TAFA2: variants seen among roughly 807,000 people sequenced by gnomAD.
The protein encoded by TAFA2 is TAFA chemokine like family member 2.
TAFA2 carries 7 observed loss-of-function variants against 18.8 expected under a neutral mutation model. The observed-to-expected ratio is 0.37, with a 90% confidence interval of 0.21 to 0.70. The LOEUF (loss-of-function observed/expected upper bound fraction) is 0.70, where lower values mean the gene tolerates loss of function less well. TAFA2 is among the 30% of genes least tolerant of loss of function. The pLI is 0.53. For synonymous variants in TAFA2, 60 were observed against 54.2 expected (o/e 1.11, Z -0.47); for missense variants, 122 against 158.1 (o/e 0.77, Z 1.23).
At chr12:61,725,988 G>T (rs1179581342) in intron 4 of TAFA2, among the ~76,000 whole-genome samples, 1 of 151,248 alleles carries the variant, frequency 6.6e-6, no homozygotes, top group African/African-American at 2.4e-5. Context: ...TGGGTAATGG[G>T]TGCACAAAAA....
intron 1 of TAFA2, among the ~76,000 whole-genome samples, chr12:62,128,398 G>A (rs1380612392): frequency 6.6e-6 from 1 of 151,984 alleles, no homozygotes; most frequent in Non-Finnish European, 1.5e-5. Context: ...CATAAATTAA[G>A]CTTGTGTTTA....
At chr12:62,164,121 T>TC (rs960668565) in intron 1 of TAFA2, among the ~76,000 whole-genome samples, 1 of 152,004 alleles carries the variant, frequency 6.6e-6, no homozygotes, top group Non-Finnish European at 1.5e-5. Flanking sequence ...CAAGTACGAT[T>TC]CAAAGAACAT....
At chr12:62,193,531 G>A (rs1592394713), upstream of TAFA2, among the ~76,000 whole-genome samples, 1 of 152,196 alleles carries the variant, frequency 6.6e-6, no homozygotes, top group Admixed American at 6.5e-5. Context: ...TATAGAATAT[G>A]TGCTTCACTT....
intron 2 of TAFA2, among the ~76,000 whole-genome samples, chr12:61,757,760 A>T (rs1394840063): frequency 6.6e-6 from 1 of 152,036 alleles, no homozygotes; most frequent in East Asian, 1.9e-4. Context: ...AAAGAATAAA[A>T]GGTTTCAAAA....
At chr12:62,111,230 T>C (rs557426848) in intron 1 of TAFA2, among the ~76,000 whole-genome samples, 2 of 152,344 alleles carry the variant, frequency 1.3e-5, no homozygotes, top group East Asian at 3.9e-4. Flanking sequence ...ATTTCTCCCT[T>C]AATTTTGTTA....
At chr12:62,103,679 T>C (rs1415511245) in intron 1 of TAFA2, among the ~76,000 whole-genome samples, 10 of 151,278 alleles carry the variant, frequency 6.6e-5, no homozygotes, top group Non-Finnish European at 1.3e-4. Flanking sequence ...AGGCGGAGGT[T>C]GCGGTGAGCC....
chr12:61,858,152 C>T (rs950555706), intron 2 of TAFA2, among the ~76,000 whole-genome samples: 11 of 152,188 alleles, frequency 7.2e-5, no homozygotes, highest in Admixed American at 2.0e-4. Flanking sequence ...TGCACAATCA[C>T]GAGCCCTGTG....
chr12:62,047,834 TGGAGGTTAAAAA>T (rs1388963374), intron 1 of TAFA2, among the ~76,000 whole-genome samples: 1 of 152,124 alleles, frequency 6.6e-6, no homozygotes, highest in Non-Finnish European at 1.5e-5. Context: ...TGCATCTAAA[TGGAGGTTAAAAA>T]GGAGAATATG....
chr12:62,131,628 A>T (rs12370310), intron 1 of TAFA2, among the ~76,000 whole-genome samples: 26,577 of 147,152 alleles, frequency 0.18, 2,624 homozygotes, highest in East Asian at 0.34. Context: ...AACACGATTT[A>T]AAAAAAATTA....
At chr12:61,898,583 AGT>A (rs941725824) in intron 1 of TAFA2, among the ~76,000 whole-genome samples, 1 of 152,192 alleles carries the variant, frequency 6.6e-6, no homozygotes, top group African/African-American at 2.4e-5. Flanking sequence ...CAACACTCCA[AGT>A]GGTACCCTGG....
chr12:61,785,954 T>G (rs932190853), intron 2 of TAFA2, among the ~76,000 whole-genome samples: 6 of 151,396 alleles, frequency 4.0e-5, no homozygotes, highest in Non-Finnish European at 7.4e-5. Context: ...GACTCTGAGT[T>G]GAGGAGATAG....
At chr12:61,900,112 G>C (rs1565674082) in intron 1 of TAFA2, among the ~76,000 whole-genome samples, 1 of 152,024 alleles carries the variant, frequency 6.6e-6, no homozygotes, top group Non-Finnish European at 1.5e-5. Flanking sequence ...TCTTGTCAAG[G>C]GATATTTGGC....
chr12:61,969,928 G>C (rs1879189912), intron 1 of TAFA2, among the ~76,000 whole-genome samples: 1 of 151,556 alleles, frequency 6.6e-6, no homozygotes, highest in African/African-American at 2.4e-5. Context: ...TATGGCTAAA[G>C]CAAACGGCAA....
intron 1 of TAFA2, among the ~76,000 whole-genome samples, chr12:62,115,236 C>T (rs965362509): frequency 6.6e-6 from 1 of 152,026 alleles, no homozygotes; most frequent in Non-Finnish European, 1.5e-5. Flanking sequence ...AAATTTGCAC[C>T]CTTTGCACCA....
At chr12:62,257,161 T>TATGTGTGTGTATATGTATATATACACA (rs151226802) in intron 1 of TAFA2, among the ~76,000 whole-genome samples, 18,665 of 53,282 alleles carry the variant, frequency 0.35, 2,532 homozygotes, top group East Asian at 0.5. Context: ...TATACATATA[T>TATGTGTGTGTATATGTATATATACACA]ATGTGTGTGT....
intron 1 of TAFA2, among the ~76,000 whole-genome samples, chr12:62,077,570 A>C (rs1431199135): frequency 6.6e-6 from 1 of 152,216 alleles, no homozygotes; most frequent in Non-Finnish European, 1.5e-5. Context: ...AAATCCCTCT[A>C]AGGCTATGCA....
At chr12:62,107,943 CCTTTTCATGG>C (rs1565746851) in intron 1 of TAFA2, among the ~76,000 whole-genome samples, 1 of 152,040 alleles carries the variant, frequency 6.6e-6, no homozygotes, top group Non-Finnish European at 1.5e-5. Context: ...TCATTTCTTA[CCTTTTCATGG>C]CTTTTTTACC....
intron 2 of TAFA2, among the ~76,000 whole-genome samples, chr12:61,789,867 A>G (rs1870899259): frequency 6.6e-6 from 1 of 151,838 alleles, no homozygotes; most frequent in Non-Finnish European, 1.5e-5. Flanking sequence ...CCATTCTGCA[A>G]GGCCAGCATT....
intron 1 of TAFA2, among the ~76,000 whole-genome samples, chr12:61,980,156 A>C (rs996801114): frequency 6.6e-5 from 10 of 152,170 alleles, no homozygotes; most frequent in African/African-American, 2.4e-4. Flanking sequence ...AACATATGCA[A>C]ATCAATAAAC....
Sources: allele counts gnomAD v4.1 joint callset (sites outside exome capture counted in the v4.1 genomes callset), GRCh38; gene constraint gnomAD v4.1.1; transcripts MANE v1.5; gene names NCBI Gene and HGNC (gene_info 2026-07-23, HGNC 2026-07-21).